Variants in FMR1NB observed in about 807,000 individuals in gnomAD.
The protein encoded by FMR1NB is FMR1 neighbor protein.
A neutral mutation model predicts 16.8 loss-of-function variants in FMR1NB; 10 were observed. The observed-to-expected ratio is 0.60, with a 90% CI of 0.37 to 1.01. The LOEUF (loss-of-function observed/expected upper bound fraction) is 1.01. Among genes scored for constraint, FMR1NB ranks in the 50% least tolerant of loss-of-function variants. The pLI, the probability that FMR1NB is intolerant of heterozygous loss-of-function variation, is 0.01. For missense variants in FMR1NB, 205 were observed against 204.8 expected (o/e 1.00, Z 0.00); for synonymous variants, 83 against 79.1 (o/e 1.05, Z -0.26).
chrX:147,989,596 A>T (rs2044493699), intron 1 of FMR1NB, among the ~76,000 whole-genome samples: 1 of 111,978 alleles, frequency 8.9e-6, no homozygotes, highest in African/African-American at 3.3e-5. Context: ...GGAACGTTTA[A>T]GTCTGCTGAA....
At chrX:148,006,125 T>C (rs1205329891) in intron 2 of FMR1NB, among the ~76,000 whole-genome samples, 2 of 112,054 alleles carry the variant, frequency 1.8e-5, no homozygotes, top group Non-Finnish European at 3.8e-5. Context: ...TTGCATAATC[T>C]TGGTGTTAAT....
At chrX:147,995,686 G>C (rs1448084766) in intron 1 of FMR1NB, among the ~76,000 whole-genome samples, 4 of 112,822 alleles carry the variant, frequency 3.5e-5, no homozygotes, top group African/African-American at 1.3e-4. Context: ...TGCCTTAGCT[G>C]CATGGACAGA....
chrX:148,011,213 G>A (rs1328817353), intron 4 of FMR1NB, among the ~76,000 whole-genome samples: 1 of 110,228 alleles, frequency 9.1e-6, no homozygotes, highest in Non-Finnish European at 1.9e-5. Context: ...ACAGTGAGCC[G>A]AGATCGCGTC....
intron 5 of FMR1NB, chrX:148,025,762 TAATGTATGTGAA>T (rs1375096442): frequency 2.7e-5 from 3 of 112,102 alleles, no homozygotes; most frequent in African/African-American, 9.7e-5. Context: ...TTAAACAATA[TAATGTATGTGAA>T]AATGTTTTGA....
intron 3 of FMR1NB, 68 bp from the exon 4 acceptor site, chrX:148,008,550 A>T: frequency 2.9e-6 from 3 of 1,032,388 alleles, no homozygotes; most frequent in Non-Finnish European, 4.0e-6. Flanking sequence ...TAAAGACTTT[A>T]TGAAAGAACT....
chrX:147,985,746 C>G (rs1308655865), intron 1 of FMR1NB, among the ~76,000 whole-genome samples: 1 of 111,922 alleles, frequency 8.9e-6, no homozygotes, highest in Non-Finnish European at 1.9e-5. Flanking sequence ...GGTTCCAAGT[C>G]TTTGTTATTG....
intron 4 of FMR1NB, among the ~76,000 whole-genome samples, chrX:148,015,668 T>C (rs1463491313): frequency 1.8e-5 from 2 of 112,538 alleles, no homozygotes; most frequent in Non-Finnish European, 3.8e-5. Flanking sequence ...TATTCCATTT[T>C]GGTGAGAGAA....
chrX:148,025,104 A>G, intron 5 of FMR1NB, 91 bp downstream of exon 5: 1 of 994,119 alleles, frequency 1.0e-6, no homozygotes, highest in Non-Finnish European at 1.4e-6. Context: ...TGACTGACAC[A>G]TTTTTTTTAA....
In FMR1NB at chrX:147,992,050, G is replaced by GA. The variant is rs782738092; in HGVS notation, c.277+10371_277+10372insA. Among the ~76,000 whole-genome samples the GA allele has an allele frequency of 9.5e-3, 1,063 of 112,215 alleles. 6 individuals are homozygous for GA. Among genetic ancestry groups the GA allele is most frequent in the Non-Finnish European group, 0.016 (822 of 52,964 alleles). On this transcript the variant is annotated intron_variant, in intron 1 of 5. Transcript: ENST00000370467. The stretch of plus-strand genomic sequence containing the variant: ...CAGAACAAAATGAAAAGTCTCCCAT[G>GA]TCTACTTCCTTCCACACAGACACGG...
chrX:147,981,727 G>A (rs1557186546), intron 1 of FMR1NB, 48 bp downstream of exon 1: 19 of 1,005,664 alleles, frequency 1.9e-5, no homozygotes, highest in Non-Finnish European at 2.6e-5. Flanking sequence ...GGAGGGGGAG[G>A]GGGAGGGAGA....
At position 148,008,721 on chromosome X, in the gene FMR1NB, C is replaced by A. The variant is rs782081569; in HGVS notation, c.632+10C>A. On this transcript the variant is annotated intron_variant, in intron 4 of 5. Transcript: ENST00000370467. ...CTCTTTTCTGGAGGAGGTAGGTGAACATAAACTTTTATTTGCTCGTTGCTA... is the reference window on the plus strand; with the variant it reads ...CTCTTTTCTGGAGGAGGTAGGTGAAAATAAACTTTTATTTGCTCGTTGCTA... The A allele has an allele frequency of 8.3e-7, 1 of 1,198,193 alleles. No homozygotes were observed. The highest frequency in any genetic ancestry group is 1.1e-6 in the Non-Finnish European group (1 of 883,661).
intron 4 of FMR1NB, among the ~76,000 whole-genome samples, chrX:148,021,652 C>A (rs2044679504): frequency 9.0e-6 from 1 of 110,975 alleles, no homozygotes; most frequent in Non-Finnish European, 1.9e-5. Context: ...AGGAATTGCC[C>A]CTTTACTCAT....
At chrX:147,997,645 A>G (rs1046010175) in intron 1 of FMR1NB, among the ~76,000 whole-genome samples, 1 of 112,258 alleles carries the variant, frequency 8.9e-6, no homozygotes, top group African/African-American at 3.2e-5. Context: ...ACTCAGTAAA[A>G]GAAACTATCA....
intron 1 of FMR1NB, 138 bp from the exon 2 acceptor site, chrX:148,003,063 C>A: frequency 1.6e-6 from 1 of 631,849 alleles, no homozygotes; most frequent in Non-Finnish European, 2.4e-6. Context: ...GATGCTTAAG[C>A]TGTTATGAGA....
chrX:148,014,639 G>C (rs1452507932), intron 4 of FMR1NB, among the ~76,000 whole-genome samples: 2 of 110,159 alleles, frequency 1.8e-5, no homozygotes, highest in Admixed American at 9.6e-5. Context: ...TTCTACGGAA[G>C]TAAACTTGGG....
chrX:147,998,281 A>C (rs1165588457), intron 1 of FMR1NB, among the ~76,000 whole-genome samples: 4 of 112,521 alleles, frequency 3.6e-5, no homozygotes, highest in African/African-American at 1.3e-4. Flanking sequence ...GCCATAAAAA[A>C]GAATGAGTTC....
At chrX:148,025,968 T>A (rs1354986374) in intron 5 of FMR1NB, 1 of 110,970 alleles carries the variant, frequency 9.0e-6, no homozygotes, top group Non-Finnish European at 1.9e-5. Context: ...ATCTTCAGAA[T>A]GAGAAGGTTG....
chrX:148,003,431 G>GA, intron 2 of FMR1NB, 111 bp downstream of exon 2: 1 of 850,377 alleles, frequency 1.2e-6, no homozygotes, highest in African/African-American at 2.0e-5. Flanking sequence ...ACAGAGCTGA[G>GA]TTTGAATCCT....
intron 2 of FMR1NB, 131 bp downstream of exon 2, chrX:148,003,451 C>T: frequency 1.4e-6 from 1 of 704,712 alleles, no homozygotes; most frequent in Non-Finnish European, 2.0e-6. Flanking sequence ...TGGCTCTGCT[C>T]TTTGGCTTAG....
Sources: gnomAD v4.1 joint callset for allele counts (sites outside exome capture counted in the v4.1 genomes callset) on GRCh38, gnomAD v4.1.1 for gene constraint, MANE v1.5 for transcripts, NCBI Gene and HGNC (gene_info 2026-07-23, HGNC 2026-07-21) for gene names.